NBEA: variants seen among roughly 807,000 people sequenced by gnomAD.
NBEA encodes the protein lysosomal-trafficking regulator 2.
NBEA carries 44 observed loss-of-function variants against 343.4 expected under a neutral mutation model. That is an observed-to-expected ratio of 0.13 (90% CI 0.10 to 0.16). The LOEUF (loss-of-function observed/expected upper bound fraction) is 0.16. Among genes scored for constraint, NBEA ranks in the 10% least tolerant of loss-of-function variants. The pLI, the probability that NBEA is intolerant of heterozygous loss-of-function variation, is 1.00. For missense variants in NBEA, 2,555 were observed against 3,631.3 expected (o/e 0.70, Z 7.62); for synonymous variants, 1,175 against 1,238.7 (o/e 0.95, Z 1.08).
chr13:34,971,964 G>A (rs376422030), intron 1 of NBEA, among the ~76,000 whole-genome samples: 6 of 151,962 alleles, frequency 3.9e-5, no homozygotes, highest in African/African-American at 1.5e-4. Context: ...CTGTGAATCT[G>A]TCTGGCCCTG....
chr13:35,318,461 G>A (rs1159454789), intron 36 of NBEA, among the ~76,000 whole-genome samples: 4 of 152,210 alleles, frequency 2.6e-5, no homozygotes, highest in South Asian at 2.1e-4. Flanking sequence ...CAACTTGATC[G>A]TGGTGGATAA....
At chr13:35,368,149 T>G (rs962414271) in intron 38 of NBEA, among the ~76,000 whole-genome samples, 3 of 151,540 alleles carry the variant, frequency 2.0e-5, no homozygotes, top group Admixed American at 1.3e-4. Context: ...AAGTAAAATA[T>G]ATAAATCAAT....
intron 1 of NBEA, among the ~76,000 whole-genome samples, chr13:34,976,475 ACTGGT>A (rs1033860938): frequency 3.3e-5 from 5 of 152,158 alleles, no homozygotes; most frequent in Non-Finnish European, 7.3e-5. Context: ...TACAGTGTAC[ACTGGT>A]CTGGTGATGG....
At chr13:35,532,490 T>A (rs937368496) in intron 41 of NBEA, among the ~76,000 whole-genome samples, 1 of 152,118 alleles carries the variant, frequency 6.6e-6, no homozygotes, top group African/African-American at 2.4e-5. Context: ...TGACATCAAA[T>A]CACAATGTTA....
In NBEA at chr13:35,610,829, G is replaced by A. The variant is rs184000116; in HGVS notation, c.7449+4251G>A. On this transcript the variant is annotated intron_variant, in intron 48 of 58. Coordinates refer to ENST00000379939, the MANE Select transcript of NBEA (RefSeq NM_001385012.1). ...GACTAGGATCTAAAATATATAAAGA[G>A]CACTCAAAAATCAATAAAAATAAAA... Among the ~76,000 whole-genome samples the A allele has an allele frequency of 5.9e-5, 9 of 151,776 alleles. No individual in the cohort carries two copies. In the East Asian group the frequency reaches 1.4e-3, roughly 23 times the overall value.
At chr13:35,508,572 G>A (rs1186111574) in intron 41 of NBEA, among the ~76,000 whole-genome samples, 1 of 152,172 alleles carries the variant, frequency 6.6e-6, no homozygotes, top group Admixed American at 6.5e-5. Flanking sequence ...TTTGTGAACT[G>A]ACTGGATGTG....
intron 1 of NBEA, among the ~76,000 whole-genome samples, chr13:34,980,565 G>T (rs1268957437): frequency 1.3e-5 from 2 of 151,964 alleles, no homozygotes; most frequent in Non-Finnish European, 2.9e-5. Flanking sequence ...TTCTGAAGAG[G>T]TGTGTCCTTT....
rs138685558 is a variant in NBEA, at chr13:35,592,315, A to G, written c.7177-1013A>G. On this transcript the variant is annotated intron_variant, in intron 46 of 58. Transcript: ENST00000379939. Reference sequence around the variant, plus strand: ...CGTTCAACAGATTATATATTGAGCAACTTCTATGTACCAGGAGTTGTTCTA... The same window carrying G: ...CGTTCAACAGATTATATATTGAGCAGCTTCTATGTACCAGGAGTTGTTCTA... Among the ~76,000 whole-genome samples, 24 of 152,254 alleles carry G rather than the reference A, an allele frequency of 1.6e-4. No homozygotes were observed. In the East Asian group the frequency reaches 4.0e-3, roughly 26 times the overall value.
intron 41 of NBEA, among the ~76,000 whole-genome samples, chr13:35,484,436 T>C (rs2076238927): frequency 6.6e-6 from 1 of 151,960 alleles, no homozygotes; most frequent in South Asian, 2.1e-4. Context: ...TTTTTTGTTT[T>C]TTACTGGCAA....
chr13:35,603,647 C>T (rs2082156200), intron 47 of NBEA, among the ~76,000 whole-genome samples: 1 of 152,120 alleles, frequency 6.6e-6, no homozygotes, highest in Non-Finnish European at 1.5e-5. Context: ...ATATACGTTC[C>T]TCTCTGCCCT....
chr13:35,072,856 C>G (rs1343133448), intron 10 of NBEA, among the ~76,000 whole-genome samples: 1 of 152,186 alleles, frequency 6.6e-6, no homozygotes, highest in African/African-American at 2.4e-5. Flanking sequence ...AGCCACTATG[C>G]CTGGCCCTGT....
chr13:35,628,822 G>A (rs1433207739), intron 49 of NBEA, among the ~76,000 whole-genome samples: 1 of 152,178 alleles, frequency 6.6e-6, no homozygotes, highest in African/African-American at 2.4e-5. Context: ...GGGGGCTGAG[G>A]TGAGAAGATC....
At chr13:35,203,572 A>G (rs941388276) in intron 31 of NBEA, among the ~76,000 whole-genome samples, 5 of 152,126 alleles carry the variant, frequency 3.3e-5, no homozygotes, top group Non-Finnish European at 5.9e-5. Context: ...ATTTTATTCT[A>G]TATATTGCTA....
At chr13:35,634,253 G>A (rs532870091) in intron 49 of NBEA, among the ~76,000 whole-genome samples, 1 of 152,260 alleles carries the variant, frequency 6.6e-6, no homozygotes, top group South Asian at 2.1e-4. Flanking sequence ...TGAGGCAGGA[G>A]AATGGTGTGA....
Position 35,426,747 on chromosome 13 carries a change from A to G in NBEA, c.6180-5522A>G, listed in dbSNP as rs552636235. Among the ~76,000 whole-genome samples, 1,001 of 152,274 alleles carry G rather than the reference A, an allele frequency of 6.6e-3. 16 individuals carry two copies. The highest frequency in any genetic ancestry group is 0.022 in the African/African-American group (931 of 41,550). On this transcript the variant is annotated intron_variant, in intron 38 of 58. Transcript: ENST00000379939. ...ATAATATCCTGCAGAGTGTTTTCCA[A>G]CTTGGTTCCATTCTCCCCATCACTT...
chr13:34,945,933 C>T lies in NBEA; in HGVS notation c.294+2819C>T, dbSNP rs561218719. Among the ~76,000 whole-genome samples the T allele has an allele frequency of 6.6e-5, 10 of 152,212 alleles. No individual in the cohort carries two copies. In the East Asian group the frequency reaches 1.9e-3, roughly 29 times the overall value. On this transcript the variant is annotated intron_variant, in intron 1 of 58. Transcript: ENST00000379939. ...TGGCTGTAATTTTTCTGCTTTGTTTCCCAAAGGTCTAGAGACCTATTTTTA... is the reference window on the plus strand; with the variant it reads ...TGGCTGTAATTTTTCTGCTTTGTTTTCCAAAGGTCTAGAGACCTATTTTTA...
chr13:35,064,392 G>A (rs536246206), intron 8 of NBEA, among the ~76,000 whole-genome samples: 1 of 152,030 alleles, frequency 6.6e-6, no homozygotes, highest in East Asian at 1.9e-4. Flanking sequence ...TCTTCATTGA[G>A]GATACTGATT....
intron 1 of NBEA, among the ~76,000 whole-genome samples, chr13:35,023,567 GAAGTT>G (rs1381172887): frequency 6.6e-6 from 1 of 152,142 alleles, no homozygotes; most frequent in Non-Finnish European, 1.5e-5. Context: ...CAAGGAGGTG[GAAGTT>G]AAGTTGGGCC....
intron 44 of NBEA, among the ~76,000 whole-genome samples, chr13:35,555,359 G>A (rs1348981137): frequency 6.6e-6 from 1 of 152,040 alleles, no homozygotes; most frequent in Admixed American, 6.6e-5. Context: ...AGGTTTATTA[G>A]AGTCAACAAA....
Sources: allele counts gnomAD v4.1 joint callset (sites outside exome capture counted in the v4.1 genomes callset), GRCh38; gene constraint gnomAD v4.1.1; transcripts MANE v1.5; gene names NCBI Gene and HGNC (gene_info 2026-07-23, HGNC 2026-07-21).